Variants in ZNF141 observed in about 807,000 individuals in gnomAD.
ZNF141 encodes the protein zinc finger protein 141.
Under a neutral mutation model 11.3 loss-of-function variants are expected in ZNF141, and 7 were observed. That is an observed-to-expected ratio of 0.62 (90% confidence interval 0.35 to 1.16). The LOEUF is 1.16. Ranked by LOEUF, ZNF141 falls within the 50% of genes most tolerant of loss-of-function variation. ZNF141 has a pLI of 0.02. For missense variants in ZNF141, 535 were observed against 554.0 expected (o/e 0.97, Z 0.34); for synonymous variants, 183 against 190.7 (o/e 0.96, Z 0.33).
At chr4:368,439 A>C (rs782220744) in intron 3 of ZNF141, among the ~76,000 whole-genome samples, 48 of 152,246 alleles carry the variant, frequency 3.2e-4, no homozygotes, top group Admixed American at 5.2e-4. Context: ...ACAGGGTTTC[A>C]CCACATTGGT....
chr4:339,862 C>T (rs1335858289), intron 1 of ZNF141, among the ~76,000 whole-genome samples: 7 of 151,044 alleles, frequency 4.6e-5, no homozygotes, highest in East Asian at 1.9e-4. Context: ...AATCTACCTC[C>T]TGTCCTGAAG....
intron 3 of ZNF141, among the ~76,000 whole-genome samples, chr4:355,445 A>T (rs544747381): frequency 1.6e-4 from 24 of 152,244 alleles, no homozygotes; most frequent in Non-Finnish European, 2.9e-4. Flanking sequence ...ATTGCAGGTG[A>T]TTCTGCTGCC....
intron 3 of ZNF141, among the ~76,000 whole-genome samples, chr4:371,835 C>T (rs572620290): frequency 6.6e-6 from 1 of 152,126 alleles, no homozygotes; most frequent in South Asian, 2.1e-4. Flanking sequence ...CCACCATGCC[C>T]GTTCCCTTTT....
intron 3 of ZNF141, among the ~76,000 whole-genome samples, chr4:356,807 T>G (rs1437636636): frequency 6.6e-6 from 1 of 152,220 alleles, no homozygotes; most frequent in African/African-American, 2.4e-5. Flanking sequence ...GTTTTTTAAT[T>G]CCTTCATGCT....
chr4:363,923 G>A (rs564513359), intron 3 of ZNF141, among the ~76,000 whole-genome samples: 8 of 152,190 alleles, frequency 5.3e-5, no homozygotes. Context: ...TTTGCCGAAG[G>A]CCTTTTCTGC....
In ZNF141 at chr4:377,769, G is replaced by T. The variant is rs1712438684; in HGVS notation, c.*3907G>T. Among the ~76,000 whole-genome samples the T allele has an allele frequency of 6.6e-6, 1 of 152,162 alleles. No homozygotes were observed. Among genetic ancestry groups the T allele is most frequent in the African/African-American group, 2.4e-5 (1 of 41,438 alleles). ...ATAAAGTGTGTAAAATGTAACAAAA[G>T]TTAGAATAAGTAAAACATTAATATA... On this transcript the variant is annotated 3_prime_UTR_variant, in exon 4 of 4. Coordinates refer to ENST00000240499, the MANE Select transcript of ZNF141 (RefSeq NM_003441.4).
At position 373,871 on chromosome 4, in the gene ZNF141, C is replaced by T; in HGVS notation, c.*9C>T. On this transcript the variant is annotated 3_prime_UTR_variant, in exon 4 of 4. Transcript: ENST00000240499. ...AGAAAATTCATACTTGAGAGAAATCCTACAAATGTAAAGAATGTGGCAAAC... is the reference window on the plus strand; with the variant it reads ...AGAAAATTCATACTTGAGAGAAATCTTACAAATGTAAAGAATGTGGCAAAC... 1.3e-6 allele frequency: 2 copies of T among 1,589,096 alleles called. No homozygotes were observed. Among genetic ancestry groups the T allele is most frequent in the Non-Finnish European group, 1.7e-6 (2 of 1,165,910 alleles).
In ZNF141 at chr4:384,128, C is replaced by T. The variant is rs1712802906; in HGVS notation, c.*10266C>T. The T allele has an allele frequency of 6.6e-6, 1 of 152,196 alleles. No individual in the cohort carries two copies. The highest frequency in any genetic ancestry group is 6.5e-5 in the Admixed American group (1 of 15,282). The allele number at this position is 152,196 out of a possible 1,614,324, so 9.4% of individuals were successfully genotyped here. On this transcript the variant is annotated 3_prime_UTR_variant, in exon 4 of 4. Transcript: ENST00000240499. ...ATTGGTACTTAAACTCACACAGTGC[C>T]CCATACCACAGGAGAAAAACACACA... is the stretch of plus-strand genomic sequence containing the variant.
Position 378,162 on chromosome 4 carries a change from C to G in ZNF141, c.*4300C>G, listed in dbSNP as rs1553854920. On this transcript the variant is annotated 3_prime_UTR_variant, in exon 4 of 4. Transcript: ENST00000240499. The stretch of plus-strand genomic sequence containing the variant: ...CCTGCCAACAGAGTAAGACCCGTCT[C>G]AACAACAACAACAAAAAAGAAGAAA... 1 of 151,972 alleles carries G rather than the reference C, an allele frequency of 6.6e-6. No individual in the cohort carries two copies. Among genetic ancestry groups the G allele is most frequent in the Non-Finnish European group, 1.5e-5 (1 of 67,990 alleles). The allele number at this position is 151,972 out of a possible 1,614,324, so 9.4% of individuals were successfully genotyped here.
At chr4:352,847 T>C (rs1721666942) in intron 3 of ZNF141, among the ~76,000 whole-genome samples, 1 of 152,084 alleles carries the variant, frequency 6.6e-6, no homozygotes, top group South Asian at 2.1e-4. Context: ...ATTATTAAAT[T>C]TGAGGGAGGG....
chr4:363,773 G>GC (rs1435037753), intron 3 of ZNF141, among the ~76,000 whole-genome samples: 1 of 144,812 alleles, frequency 6.9e-6, no homozygotes, highest in African/African-American at 2.7e-5. Context: ...AAAAAAAAAG[G>GC]CGGGGGGGAA....
Position 381,400 on chromosome 4 carries a change from C to CT in ZNF141, c.*7564dup, listed in dbSNP as rs34721227. Among the ~76,000 whole-genome samples the CT allele has an allele frequency of 0.068, 5,261 of 76,916 alleles. 1,080 individuals are homozygous for CT. Among genetic ancestry groups the CT allele is most frequent in the African/African-American group, 0.11 (1,763 of 16,430 alleles). 50.5% of individuals were successfully genotyped at this position (76,916 alleles called of 152,430 possible). Reference sequence around the variant, plus strand: ...CTATTTAATACAGACTTCAAATGTGCTTTTTTTTTTTTTTTTTTTTTTTTT... The same window carrying CT: ...CTATTTAATACAGACTTCAAATGTGCTTTTTTTTTTTTTTTTTTTTTTTTTT... On this transcript the variant is annotated 3_prime_UTR_variant, in exon 4 of 4. Coordinates refer to ENST00000240499, the MANE Select transcript of ZNF141 (RefSeq NM_003441.4).
rs183923382 is a variant in ZNF141, at chr4:367,312, T to C, written c.227-5352T>C. Among the ~76,000 whole-genome samples the C allele has an allele frequency of 2.0e-5, 3 of 152,328 alleles. No homozygotes were observed. In the East Asian group the frequency reaches 5.8e-4, roughly 29 times the overall value. ...GGTTTTGTATTGTTTATGAGTTGTT[T>C]ACTTGTTCTGTTTATGTGTGTTCAA... On this transcript the variant is annotated intron_variant, in intron 3 of 3. Coordinates refer to ENST00000240499, the MANE Select transcript of ZNF141 (RefSeq NM_003441.4).
chr4:369,754 ATATATATATATT>A (rs1711945089), intron 3 of ZNF141, among the ~76,000 whole-genome samples: 9 of 35,494 alleles, frequency 2.5e-4, no homozygotes, highest in South Asian at 1.7e-3. Flanking sequence ...ATATATATAT[ATATATATATATT>A]TTTTTTTTTT....
In ZNF141 at chr4:378,604, G is replaced by A. The variant is rs543534533; in HGVS notation, c.*4742G>A. On this transcript the variant is annotated 3_prime_UTR_variant, in exon 4 of 4. Transcript: ENST00000240499. ...TCTTTGAGTGTGAATGTTAAATGGT[G>A]GAAAAACAATAGAATGATCTCTGTA... 3.4e-4 allele frequency among the ~76,000 whole-genome samples: 51 copies of A among 152,058 alleles called. No homozygotes were observed. The South Asian group carries it at 4.6e-3, about 14-fold the overall frequency.
intron 3 of ZNF141, among the ~76,000 whole-genome samples, chr4:351,038 C>T (rs1284376653): frequency 1.3e-5 from 2 of 151,714 alleles, no homozygotes; most frequent in Non-Finnish European, 2.9e-5. Flanking sequence ...CGTGAGCCAC[C>T]GCGCCCGGCC....
intron 3 of ZNF141, among the ~76,000 whole-genome samples, chr4:370,978 A>C (rs1204342867): frequency 1.3e-5 from 2 of 151,684 alleles, no homozygotes; most frequent in African/African-American, 2.4e-5. Context: ...CTGATCCACC[A>C]GCCTCGGCCT....
At chr4:371,668 T>C (rs2108652719) in intron 3 of ZNF141, among the ~76,000 whole-genome samples, 1 of 152,190 alleles carries the variant, frequency 6.6e-6, no homozygotes, top group Middle Eastern at 3.4e-3. Context: ...GCCTCCCGCA[T>C]AGCTAGGACT....
At chr4:371,761 C>G (rs1184537071) in intron 3 of ZNF141, among the ~76,000 whole-genome samples, 2 of 151,590 alleles carry the variant, frequency 1.3e-5, no homozygotes, top group Non-Finnish European at 1.5e-5. Context: ...AAGATGGTCT[C>G]TATCTCCTGA....
Sources: allele counts gnomAD v4.1 joint callset (sites outside exome capture counted in the v4.1 genomes callset), GRCh38; gene constraint gnomAD v4.1.1; transcripts MANE v1.5; gene names NCBI Gene and HGNC (gene_info 2026-07-23, HGNC 2026-07-21).